PDGFRA: variants seen among roughly 807,000 people sequenced by gnomAD.
PDGFRA encodes the protein platelet derived growth factor receptor alpha.
Under a neutral mutation model 121.5 loss-of-function variants are expected in PDGFRA, and 25 were observed. The ratio of observed to expected loss-of-function variants is 0.21; its 90% CI spans 0.15 to 0.29. The LOEUF is 0.29. PDGFRA is among the 10% of genes least tolerant of loss of function. The probability of loss-of-function intolerance (pLI) is 1.00; values close to 1 mark genes in which losing one functional copy is unlikely to be tolerated. For synonymous variants in PDGFRA, 463 were observed against 494.8 expected, an observed-to-expected ratio of 0.94 and a Z score of 0.85; for missense variants, 1,008 against 1,345.1, an observed-to-expected ratio of 0.75 and a Z score of 3.92.
intron 1 of PDGFRA, among the ~76,000 whole-genome samples, chr4:54,258,458 A>G (rs1480815082): frequency 1.3e-5 from 2 of 152,032 alleles, no homozygotes; most frequent in Non-Finnish European, 2.9e-5. Context: ...AAATATATAT[A>G]TATGTATTTA....
intron 12 of PDGFRA, among the ~76,000 whole-genome samples, chr4:54,275,437 A>T (rs144872901): frequency 1.3e-5 from 2 of 152,254 alleles, no homozygotes; most frequent in Non-Finnish European, 2.9e-5. Context: ...GAGGCAAAAT[A>T]TGTAAAAATA....
At chr4:54,293,432 T>TA (rs1204303573) in intron 22 of PDGFRA, among the ~76,000 whole-genome samples, 1 of 143,650 alleles carries the variant, frequency 7.0e-6, no homozygotes, top group South Asian at 2.3e-4. Context: ...AGAATTTCTT[T>TA]TTTTTTTTTT....
At chr4:54,246,154 T>C (rs1721646714) in intron 1 of PDGFRA, among the ~76,000 whole-genome samples, 1 of 152,122 alleles carries the variant, frequency 6.6e-6, no homozygotes, top group Non-Finnish European at 1.5e-5. Context: ...ATTAGACAGA[T>C]CAACGAGACA....
rs114668475 is a variant in PDGFRA at position 54,268,208 on chromosome 4, G to A, written c.1121+467G>A. ...ATTGAGGACTCCACAGGAAAGAAGA[G>A]TAGAGCCTGGCTAATCAGGAGAGAG... On this transcript the variant is annotated intron_variant, in intron 7 of 22. Coordinates refer to ENST00000257290, the MANE Select transcript of PDGFRA (RefSeq NM_006206.6). 4.7e-3 allele frequency among the ~76,000 whole-genome samples: 714 copies of A among 152,302 alleles called. 7 individuals carry two copies. Among genetic ancestry groups the A allele is most frequent in the African/African-American group, 0.016 (672 of 41,570 alleles).
chr4:54,272,846 T>C (rs1359222800), intron 9 of PDGFRA, among the ~76,000 whole-genome samples: 1 of 152,218 alleles, frequency 6.6e-6, no homozygotes, highest in Non-Finnish European at 1.5e-5. Context: ...GACTGCTTAG[T>C]CCCTTATCTG....
In PDGFRA at chr4:54,272,440, T is replaced by A. The variant is rs763716086; in HGVS notation, c.1284T>A (p.Thr428=). ...LDLVDDHHGS[T]GGQTVRCTAE... ...TGGTCGATGATCACCATGGCTCAAC[T>A]GGGGGACAGACGGTGAGGTGCACAG... Residue 428 remains threonine, a synonymous_variant, in exon 9 of 23, where the codon ACT becomes ACA. Coordinates refer to ENST00000257290, the MANE Select transcript of PDGFRA (RefSeq NM_006206.6). 1 of 1,614,006 alleles carries A rather than the reference T, an allele frequency of 6.2e-7. No homozygotes were observed. Among genetic ancestry groups the A allele is most frequent in the African/African-American group, 1.3e-5 (1 of 75,034 alleles).
chr4:54,277,137 G>A (rs1723775048), intron 12 of PDGFRA: 2 of 527,424 alleles, frequency 3.8e-6, no homozygotes, highest in East Asian at 6.9e-5. Flanking sequence ...ACCAGGGAGG[G>A]CTGCACCCTC....
At chr4:54,292,697 TA>T (rs1278523413) in intron 22 of PDGFRA, among the ~76,000 whole-genome samples, 1 of 150,942 alleles carries the variant, frequency 6.6e-6, no homozygotes, top group Non-Finnish European at 1.5e-5. Context: ...AAAATGAAAT[TA>T]AAAAAAGAAC....
At chr4:54,260,320 A>T (rs998412389) in intron 2 of PDGFRA, among the ~76,000 whole-genome samples, 2 of 149,746 alleles carry the variant, frequency 1.3e-5, no homozygotes, top group Admixed American at 6.6e-5. Context: ...GAAATGGAAG[A>T]TGTGGAATTC....
intron 18 of PDGFRA, among the ~76,000 whole-genome samples, 189 bp downstream of exon 18, chr4:54,286,152 T>A (rs1212982167): frequency 6.6e-6 from 1 of 152,164 alleles, no homozygotes; most frequent in Non-Finnish European, 1.5e-5. Context: ...TAATTTGGAT[T>A]TGGGGCTAGA....
intron 22 of PDGFRA, among the ~76,000 whole-genome samples, chr4:54,293,907 T>TTGTGTGTG (rs71200381): frequency 0.14 from 19,949 of 142,334 alleles, 1,522 homozygotes; most frequent in East Asian, 0.26. Flanking sequence ...TCCAAGTTGC[T>TTGTGTGTG]TGTGTGTGTG....
Position 54,295,320 on chromosome 4 carries a change from C to T in PDGFRA, c.*48C>T, listed in dbSNP as rs752684966. ...TCCACTTCTGGGGCCACCTCTGGATCCCGTTCAGAAAACCACTTTATTGCA... is the reference window on the plus strand; with the variant it reads ...TCCACTTCTGGGGCCACCTCTGGATTCCGTTCAGAAAACCACTTTATTGCA... On this transcript the variant is annotated 3_prime_UTR_variant, in exon 23 of 23. Coordinates refer to ENST00000257290, the MANE Select transcript of PDGFRA (RefSeq NM_006206.6). 5.6e-6 allele frequency: 9 copies of T among 1,600,794 alleles called. No homozygotes were observed. Among genetic ancestry groups the T allele is most frequent in the Non-Finnish European group, 7.7e-6 (9 of 1,168,652 alleles).
chr4:54,229,510 G>T, intron 1 of PDGFRA, 95 bp downstream of exon 1: 2 of 362,696 alleles, frequency 5.5e-6, no homozygotes, highest in Non-Finnish European at 9.5e-6. Flanking sequence ...AACTTTGGGC[G>T]ACAAGAAAAA....
chr4:54,281,977 T>G, intron 16 of PDGFRA: 1 of 1,079,854 alleles, frequency 9.3e-7, no homozygotes, highest in Non-Finnish European at 1.1e-6. Context: ...TCACAGAAAC[T>G]ACTTTTTCAT....
chr4:54,266,223 A>G (rs1036340972), intron 5 of PDGFRA, among the ~76,000 whole-genome samples: 1 of 152,228 alleles, frequency 6.6e-6, no homozygotes, highest in Non-Finnish European at 1.5e-5. Context: ...TTACAAATAT[A>G]TAATCAAAGT....
In PDGFRA at chr4:54,258,783, TC is replaced by T; in HGVS notation, c.17del (p.Pro6ArgfsTer6). MGTSH[P>X]AFLVLGCLLT... ...TTCCCAGAGCTATGGGGACTTCCCA[TC>T]CGGCGTTCCTGGTCTTAGGCTGTCT... On this transcript the variant is annotated frameshift_variant, in exon 2 of 23. Coordinates refer to ENST00000257290, the MANE Select transcript of PDGFRA (RefSeq NM_006206.6). LOFTEE classifies it high-confidence loss of function. 6.2e-7 allele frequency: 1 copy of T among 1,613,700 alleles called. No homozygotes were observed. Among genetic ancestry groups the T allele is most frequent in the Non-Finnish European group, 8.5e-7 (1 of 1,179,550 alleles).
intron 8 of PDGFRA, among the ~76,000 whole-genome samples, chr4:54,270,996 A>G (rs913908222): frequency 5.3e-5 from 8 of 152,096 alleles, no homozygotes; most frequent in Non-Finnish European, 7.4e-5. Context: ...TTTTGTAGAG[A>G]TGGAGTCTTG....
rs761698258 is a variant in PDGFRA, at chr4:54,274,848, G to T, written c.1661G>T (p.Arg554Met). 2.5e-6 allele frequency: 4 copies of T among 1,614,060 alleles called. No individual in the cohort carries two copies. The highest frequency in any genetic ancestry group is 1.7e-6 in the Non-Finnish European group (2 of 1,179,996). Residue 554 changes from arginine (R) to methionine (M), a missense_variant, in exon 12 of 23, where the codon AGG becomes ATG. Physicochemically the swap from Arg to Met is moderately conservative, Grantham distance 91. Transcript: ENST00000257290. ...VLVVIWKQKP[R>M]YEIRWRVIES... is the part of the protein sequence containing the mutation. The stretch of plus-strand genomic sequence containing the variant: ...TGTCCTGGTCATTTATAGAAACCGA[G>T]GTATGAAATTCGCTGGAGGGTCATT...
intron 12 of PDGFRA, among the ~76,000 whole-genome samples, chr4:54,276,151 C>G (rs186613628): frequency 6.7e-6 from 1 of 149,316 alleles, no homozygotes; most frequent in African/African-American, 2.6e-5. Context: ...GGAACTGACT[C>G]AGTGCAAGAG....
Sources: gnomAD v4.1 joint callset for allele counts (sites outside exome capture counted in the v4.1 genomes callset) on GRCh38, gnomAD v4.1.1 for gene constraint, MANE v1.5 for transcripts, NCBI Gene and HGNC (gene_info 2026-07-23, HGNC 2026-07-21) for gene names.